NTRK3: variants seen among roughly 807,000 people sequenced by gnomAD.
The protein encoded by NTRK3 is neurotrophic receptor tyrosine kinase 3.
In NTRK3, 24 loss-of-function variants were observed where a neutral mutation model predicts 91.7. The ratio of observed to expected loss-of-function variants is 0.26; its 90% CI spans 0.19 to 0.37. The LOEUF (loss-of-function observed/expected upper bound fraction) is 0.37. Ranked by LOEUF, NTRK3 falls within the 10% of genes least tolerant of loss-of-function variation. The pLI is 1.00. For missense variants in NTRK3, 880 were observed against 1,068.9 expected (o/e 0.82, Z 2.46); for synonymous variants, 483 against 404.0 (o/e 1.20, Z -2.34).
intron 15 of NTRK3, among the ~76,000 whole-genome samples, chr15:87,934,706 A>G (rs1035590962): frequency 6.6e-6 from 1 of 152,084 alleles, no homozygotes; most frequent in African/African-American, 2.4e-5. Flanking sequence ...AGTTGGAGAA[A>G]CTGAGGCTGA....
intron 14 of NTRK3, among the ~76,000 whole-genome samples, chr15:87,950,409 G>C (rs932653463): frequency 6.6e-6 from 1 of 152,182 alleles, no homozygotes; most frequent in African/African-American, 2.4e-5. Context: ...AGGAGAAAGA[G>C]CATCATTTGG....
chr15:88,186,990 T>C (rs2046995915), intron 3 of NTRK3, among the ~76,000 whole-genome samples: 1 of 152,186 alleles, frequency 6.6e-6, no homozygotes, highest in Non-Finnish European at 1.5e-5. Context: ...CTCGTAAGAA[T>C]GATGTGAAGA....
chr15:87,982,482 A>T (rs567398554), intron 14 of NTRK3, among the ~76,000 whole-genome samples: 3 of 152,346 alleles, frequency 2.0e-5, no homozygotes, highest in South Asian at 2.1e-4. Flanking sequence ...GTCTGTCAAC[A>T]GCTTTCCCCA....
chr15:87,939,797 A>G (rs1009904984), intron 15 of NTRK3, among the ~76,000 whole-genome samples: 1 of 152,212 alleles, frequency 6.6e-6, no homozygotes, highest in Non-Finnish European at 1.5e-5. Context: ...GCGTGCCTCC[A>G]TGAGGCTACT....
At chr15:88,026,545 T>A (rs1483623542) in intron 14 of NTRK3, among the ~76,000 whole-genome samples, 3 of 152,156 alleles carry the variant, frequency 2.0e-5, no homozygotes, top group African/African-American at 2.4e-5. Flanking sequence ...CTGTCTGACA[T>A]TGTCATGGTG....
At chr15:87,966,781 G>A (rs187077328) in intron 14 of NTRK3, among the ~76,000 whole-genome samples, 17 of 152,296 alleles carry the variant, frequency 1.1e-4, no homozygotes, top group African/African-American at 4.1e-4. Flanking sequence ...CCCTTCTCAT[G>A]GCCCTAGGAC....
At chr15:87,950,750 A>C (rs1425857510) in intron 14 of NTRK3, among the ~76,000 whole-genome samples, 3 of 152,204 alleles carry the variant, frequency 2.0e-5, no homozygotes, top group Non-Finnish European at 4.4e-5. Context: ...GCTAATGCCC[A>C]TAAAAGTTCG....
At chr15:87,996,031 G>A (rs942904360) in intron 14 of NTRK3, among the ~76,000 whole-genome samples, 6 of 152,050 alleles carry the variant, frequency 3.9e-5, no homozygotes, top group African/African-American at 1.2e-4. Context: ...ATCACCTGAG[G>A]TCAGGAGTTC....
exon 19 of NTRK3, chr15:87,860,845 A>T (rs1315229449): frequency 1.4e-5 from 3 of 217,568 alleles, no homozygotes; most frequent in Non-Finnish European, 2.8e-5. Context: ...CATAAAATAC[A>T]AATGAGGAAC....
chr15:88,020,988 TAA>T (rs1282480351), intron 14 of NTRK3, among the ~76,000 whole-genome samples: 2 of 152,202 alleles, frequency 1.3e-5, no homozygotes, highest in Non-Finnish European at 2.9e-5. Context: ...AGCAGCTCCC[TAA>T]GATTCCATTC....
intron 14 of NTRK3, among the ~76,000 whole-genome samples, chr15:88,019,131 G>C (rs535107685): frequency 1.4e-4 from 21 of 152,280 alleles, no homozygotes; most frequent in African/African-American, 5.1e-4. Context: ...GACCAGAACA[G>C]TGATGATGAC....
At chr15:87,867,892 C>T (rs982479725) in exon 19 of NTRK3, 10 of 227,226 alleles carry the variant, frequency 4.4e-5, no homozygotes, top group South Asian at 1.8e-4. Context: ...TTTTGTTTCT[C>T]GAAGAAAACC....
intron 3 of NTRK3, among the ~76,000 whole-genome samples, chr15:88,186,735 C>T (rs976130974): frequency 1.3e-5 from 2 of 152,322 alleles, no homozygotes; most frequent in East Asian, 3.9e-4. Context: ...TCATCTATAG[C>T]TCTCTTCAAG....
rs115424613 is a variant in NTRK3, at chr15:88,029,729, T to C, written c.1585+3128A>G. Among the ~76,000 whole-genome samples, 838 of 152,330 alleles carry C rather than the reference T, an allele frequency of 5.5e-3. 17 individuals carry two copies. Among genetic ancestry groups the C allele is most frequent in the African/African-American group, 0.019 (794 of 41,582 alleles). On this transcript the variant is annotated intron_variant, in intron 14 of 18. Coordinates refer to ENST00000394480, the Ensembl canonical transcript of NTRK3. ...GACCCTGGCCTTATCTGCCACACCA[T>C]AAATACTCTCCACTTATTTATATGC...
intron 3 of NTRK3, among the ~76,000 whole-genome samples, chr15:88,248,515 T>TA (rs2053052585): frequency 1.8e-5 from 1 of 56,260 alleles, no homozygotes; most frequent in African/African-American, 4.2e-5. Context: ...TAGTAATATA[T>TA]TTGTGTGTGT....
At chr15:87,919,453 G>A (rs942990490) in intron 17 of NTRK3, among the ~76,000 whole-genome samples, 1 of 152,138 alleles carries the variant, frequency 6.6e-6, no homozygotes, top group Admixed American at 6.5e-5. Flanking sequence ...CCAGATTGCC[G>A]GAGTGTCCCA....
intron 13 of NTRK3, among the ~76,000 whole-genome samples, chr15:88,050,604 A>G (rs1437569441): frequency 6.6e-6 from 1 of 152,144 alleles, no homozygotes; most frequent in East Asian, 1.9e-4. Flanking sequence ...TTTGTGGAAA[A>G]TCCACTCAGG....
exon 19 of NTRK3, chr15:87,864,571 A>T (rs995795932): frequency 4.3e-6 from 1 of 230,388 alleles, no homozygotes; most frequent in Non-Finnish European, 8.6e-6. Flanking sequence ...AGTACTGTGA[A>T]GGAGGTCATC....
intron 3 of NTRK3, among the ~76,000 whole-genome samples, chr15:88,231,662 T>C (rs1338892189): frequency 1.3e-5 from 2 of 152,180 alleles, no homozygotes; most frequent in Non-Finnish European, 2.9e-5. Flanking sequence ...CTGAACCCGC[T>C]GTACCCTAGC....
Sources: gnomAD v4.1 joint callset for allele counts (sites outside exome capture counted in the v4.1 genomes callset) on GRCh38, gnomAD v4.1.1 for gene constraint, MANE v1.5 for transcripts, NCBI Gene and HGNC (gene_info 2026-07-23, HGNC 2026-07-21) for gene names.